Variants in HIP1 observed in about 807,000 individuals in gnomAD.
The protein encoded by HIP1 is huntingtin interacting protein 1.
Under a neutral mutation model 147.6 loss-of-function variants are expected in HIP1, and 65 were observed. The observed-to-expected ratio is 0.44, with a 90% confidence interval of 0.36 to 0.54. The LOEUF (loss-of-function observed/expected upper bound fraction) is 0.54, where lower values mean the gene tolerates loss of function less well. HIP1 is among the 20% of genes least tolerant of loss of function. HIP1 has a pLI of 0.00. For missense variants in HIP1, 1,061 were observed against 1,299.6 expected (o/e 0.82, Z 2.82); for synonymous variants, 479 against 504.0 (o/e 0.95, Z 0.67).
rs782758786 is a variant in HIP1, at chr7:75,738,791, C to T, written c.120+10G>A. On this transcript the variant is annotated intron_variant, in intron 1 of 30. Coordinates refer to ENST00000336926, the MANE Select transcript of HIP1 (RefSeq NM_005338.7). ...TGCCCCAGGGATGCCCCGGGGTCCC[C>T]CGTCCTCACCTGAGTCCGCTCGAAG... 1.5e-5 allele frequency: 24 copies of T among 1,600,764 alleles called. No individual in the cohort carries two copies. Among genetic ancestry groups the T allele is most frequent in the Non-Finnish European group, 2.0e-5 (24 of 1,175,644 alleles).
intron 19 of HIP1, among the ~76,000 whole-genome samples, chr7:75,555,190 G>GGGGGT (rs1794944906): frequency 1.8e-4 from 9 of 48,790 alleles, no homozygotes; most frequent in African/African-American, 7.6e-4. Context: ...CAAAAAGCGG[G>GGGGGT]GGGGCGGGGG....
chr7:75,655,313 T>C (rs1005115508), intron 1 of HIP1, among the ~76,000 whole-genome samples: 1 of 152,108 alleles, frequency 6.6e-6, no homozygotes, highest in Non-Finnish European at 1.5e-5. Flanking sequence ...GCACGGTGGC[T>C]CACGCCTGTA....
intron 1 of HIP1, among the ~76,000 whole-genome samples, chr7:75,619,094 C>T (rs1489892511): frequency 2.0e-5 from 3 of 152,172 alleles, no homozygotes; most frequent in African/African-American, 7.2e-5. Flanking sequence ...CGAGTTTGTA[C>T]ACACACCCCT....
intron 1 of HIP1, among the ~76,000 whole-genome samples, chr7:75,603,827 C>T (rs6947356): frequency 0.023 from 3,531 of 151,350 alleles, 144 homozygotes; most frequent in African/African-American, 0.08. Flanking sequence ...GAGCCGTGAT[C>T]GCCCCCACTG....
At chr7:75,646,683 G>A (rs1204299650) in intron 1 of HIP1, among the ~76,000 whole-genome samples, 1 of 152,222 alleles carries the variant, frequency 6.6e-6, no homozygotes, top group Non-Finnish European at 1.5e-5. Context: ...AGCAAGGGCT[G>A]AGATCACTTT....
intron 1 of HIP1, among the ~76,000 whole-genome samples, chr7:75,645,941 G>C (rs1798786736): frequency 6.6e-6 from 1 of 152,096 alleles, no homozygotes; most frequent in South Asian, 2.1e-4. Context: ...GACTCCAAAA[G>C]GGAGGAGGGG....
At chr7:75,651,655 CA>C (rs1191875758) in intron 1 of HIP1, among the ~76,000 whole-genome samples, 3 of 151,978 alleles carry the variant, frequency 2.0e-5, no homozygotes, top group Non-Finnish European at 4.4e-5. Context: ...CCCTGGGCGG[CA>C]ACCCTGGCTG....
chr7:75,589,162 AAAG>A lies in HIP1; in HGVS notation c.385-2332_385-2330del, dbSNP rs587697627. 5.6e-4 allele frequency among the ~76,000 whole-genome samples: 85 copies of A among 151,802 alleles called. No homozygotes were observed. The East Asian group carries it at 5.6e-3, about 10-fold the overall frequency. On this transcript the variant is annotated intron_variant, in intron 4 of 30. Transcript: ENST00000336926. ...CAAAACTCTGTCTTAAAAAAAAAAA[AAAG>A]AAGAAGAAGAAGAAGAAAAGAAAAG... is the stretch of plus-strand genomic sequence containing the variant.
At chr7:75,612,727 T>G (rs187688151) in intron 1 of HIP1, among the ~76,000 whole-genome samples, 1 of 151,902 alleles carries the variant, frequency 6.6e-6, no homozygotes, top group Admixed American at 6.6e-5. Context: ...GAGAATCGCT[T>G]GAACCCAGGA....
Position 75,577,943 on chromosome 7 carries a change from C to T in HIP1, c.604+3294G>A, listed in dbSNP as rs112660276. Among the ~76,000 whole-genome samples, 208 of 152,064 alleles carry T rather than the reference C, an allele frequency of 1.4e-3. 1 individual carries two copies. Among genetic ancestry groups the T allele is most frequent in the African/African-American group, 3.1e-3 (128 of 41,492 alleles). On this transcript the variant is annotated intron_variant, in intron 7 of 30. Coordinates refer to ENST00000336926, the MANE Select transcript of HIP1 (RefSeq NM_005338.7). ...TGAGCCTGGGAGGCGGAGGTTGCAG[C>T]GAGCTGAGATGGTGCCACTGCACTC...
chr7:75,658,133 G>A (rs1271070626), intron 1 of HIP1, among the ~76,000 whole-genome samples: 5 of 152,018 alleles, frequency 3.3e-5, no homozygotes, highest in Non-Finnish European at 5.9e-5. Flanking sequence ...TTGCTCTGTC[G>A]CCCAGGCTGG....
chr7:75,553,947 GT>G (rs1554492656), intron 21 of HIP1, among the ~76,000 whole-genome samples, 165 bp downstream of exon 21: 1 of 152,168 alleles, frequency 6.6e-6, no homozygotes, highest in Non-Finnish European at 1.5e-5. Context: ...GTTTTGCCAT[GT>G]TGGCCAGGCT....
chr7:75,651,923 C>T (rs1208973445), intron 1 of HIP1, among the ~76,000 whole-genome samples: 4 of 151,654 alleles, frequency 2.6e-5, no homozygotes, highest in South Asian at 4.2e-4. Flanking sequence ...GCAGGAGAAT[C>T]GCTTGAACCC....
chr7:75,607,283 G>A (rs1166384561), intron 1 of HIP1, among the ~76,000 whole-genome samples: 3 of 145,406 alleles, frequency 2.1e-5, no homozygotes, highest in African/African-American at 5.2e-5. Flanking sequence ...AGGCTGGAGT[G>A]CAGTGGTGTG....
At chr7:75,733,842 G>A (rs782755387) in intron 1 of HIP1, 22 of 153,388 alleles carry the variant, frequency 1.4e-4, no homozygotes, top group Non-Finnish European at 3.2e-4. Context: ...GGCCGGGCAC[G>A]GCGGCTCACA....
intron 1 of HIP1, among the ~76,000 whole-genome samples, chr7:75,620,017 C>T (rs1797792822): frequency 6.6e-6 from 1 of 152,208 alleles, no homozygotes; most frequent in Admixed American, 6.5e-5. Context: ...GGAACAACTG[C>T]TCTGAATTGT....
At chr7:75,620,851 G>C (rs1410383153) in intron 1 of HIP1, among the ~76,000 whole-genome samples, 4 of 152,090 alleles carry the variant, frequency 2.6e-5, no homozygotes, top group African/African-American at 9.7e-5. Flanking sequence ...GGCAAGGATA[G>C]GGCTGGAGTG....
chr7:75,730,028 G>T (rs1801784549), intron 1 of HIP1, among the ~76,000 whole-genome samples: 1 of 152,142 alleles, frequency 6.6e-6, no homozygotes, highest in Admixed American at 6.5e-5. Context: ...GAGAGAAGGT[G>T]GGGACCATTG....
chr7:75,566,179 C>T (rs2116859092), intron 9 of HIP1, among the ~76,000 whole-genome samples: 1 of 151,118 alleles, frequency 6.6e-6, no homozygotes. Flanking sequence ...CAGGTGTGCA[C>T]CACCATGCCC....
Sources: allele counts gnomAD v4.1 joint callset (sites outside exome capture counted in the v4.1 genomes callset), GRCh38; gene constraint gnomAD v4.1.1; transcripts MANE v1.5; gene names NCBI Gene and HGNC (gene_info 2026-07-23, HGNC 2026-07-21).